DOCK3: variants seen among roughly 807,000 people sequenced by gnomAD.
DOCK3 encodes the protein dedicator of cytokinesis 3.
Under a neutral mutation model 265.6 loss-of-function variants are expected in DOCK3, and 60 were observed. The observed-to-expected ratio is 0.23, with a 90% CI of 0.18 to 0.28. The LOEUF (loss-of-function observed/expected upper bound fraction) is 0.28. Ranked by LOEUF, DOCK3 falls within the 10% of genes least tolerant of loss-of-function variation. The pLI, the probability that DOCK3 is intolerant of heterozygous loss-of-function variation, is 1.00. For missense variants in DOCK3, 1,981 were observed against 2,594.3 expected (o/e 0.76, Z 5.14); for synonymous variants, 881 against 938.0 (o/e 0.94, Z 1.11).
chr3:51,346,937 C>A (rs1028250601), intron 38 of DOCK3, among the ~76,000 whole-genome samples: 35 of 152,306 alleles, frequency 2.3e-4, no homozygotes, highest in Non-Finnish European at 3.1e-4. Flanking sequence ...TAAATGTCTT[C>A]TTTTGAGAAG....
At chr3:51,312,982 G>T in intron 31 of DOCK3, 80 bp downstream of exon 31, 1 of 1,327,474 alleles carries the variant, frequency 7.5e-7, no homozygotes, top group Admixed American at 2.0e-5. Context: ...ACATCTCCCA[G>T]GCTTTATGAA....
intron 15 of DOCK3, among the ~76,000 whole-genome samples, chr3:51,226,771 G>A (rs1035943693): frequency 5.3e-5 from 8 of 152,140 alleles, no homozygotes; most frequent in South Asian, 2.1e-4. Context: ...GCAATATTTG[G>A]GAGATGGGTT....
chr3:50,900,109 C>T (rs529560917), intron 4 of DOCK3, among the ~76,000 whole-genome samples: 4 of 152,300 alleles, frequency 2.6e-5, no homozygotes, highest in South Asian at 4.2e-4. Context: ...CTTTCAGGTA[C>T]ACCAATCAAA....
intron 9 of DOCK3, among the ~76,000 whole-genome samples, chr3:51,143,926 A>G (rs1190380367): frequency 6.6e-6 from 1 of 152,232 alleles, no homozygotes; most frequent in African/African-American, 2.4e-5. Flanking sequence ...TAAATGTGGA[A>G]ACAAATGTGA....
intron 4 of DOCK3, among the ~76,000 whole-genome samples, chr3:50,908,396 C>T (rs549909997): frequency 1.3e-5 from 2 of 152,080 alleles, no homozygotes; most frequent in South Asian, 4.1e-4. Flanking sequence ...CCTGCTTTAG[C>T]AGCATCCCAG....
At chr3:50,684,898 C>T (rs949461633) in intron 1 of DOCK3, among the ~76,000 whole-genome samples, 2 of 151,812 alleles carry the variant, frequency 1.3e-5, no homozygotes, top group African/African-American at 4.8e-5. Flanking sequence ...CTTCTGATTA[C>T]ATAACGTATA....
At chr3:50,902,781 C>G (rs972714236) in intron 4 of DOCK3, among the ~76,000 whole-genome samples, 1 of 152,144 alleles carries the variant, frequency 6.6e-6, no homozygotes, top group Non-Finnish European at 1.5e-5. Context: ...TGGCCATTTT[C>G]ACAATATTGA....
At chr3:50,921,629 T>C (rs956002517) in intron 4 of DOCK3, among the ~76,000 whole-genome samples, 1 of 152,080 alleles carries the variant, frequency 6.6e-6, no homozygotes, top group Non-Finnish European at 1.5e-5. Context: ...GGAGAAGAGG[T>C]GCTCTGATTT....
chr3:51,009,584 A>C (rs2078856854), intron 5 of DOCK3, among the ~76,000 whole-genome samples: 1 of 152,008 alleles, frequency 6.6e-6, no homozygotes. Flanking sequence ...GGATTCATTG[A>C]ATTTTTGAAG....
intron 5 of DOCK3, among the ~76,000 whole-genome samples, chr3:50,999,442 C>T (rs987360700): frequency 2.0e-5 from 3 of 152,110 alleles, no homozygotes; most frequent in Admixed American, 2.0e-4. Context: ...GGGATTTCTC[C>T]AAATAGAAAC....
intron 4 of DOCK3, among the ~76,000 whole-genome samples, chr3:50,902,056 G>T (rs902291779): frequency 6.6e-6 from 1 of 151,996 alleles, no homozygotes; most frequent in African/African-American, 2.4e-5. Flanking sequence ...TCATTTGCCC[G>T]CTTTTTAGTG....
rs2078855511 is a variant in DOCK3 at position 51,246,645 on chromosome 3, G to C, written c.2103-81G>C. On this transcript the variant is annotated intron_variant, in intron 21 of 52. Transcript: ENST00000266037. The stretch of plus-strand genomic sequence containing the variant: ...ATCAGCAGAATATTATTTCCTATTT[G>C]CCTAATTCAGGGCTACAGATGTTTC... 4 of 1,263,040 alleles carry C rather than the reference G, an allele frequency of 3.2e-6. No individual in the cohort carries two copies. In the South Asian group the frequency reaches 5.1e-5, roughly 16 times the overall value. 78.2% of individuals were successfully genotyped at this position (1,263,040 alleles called of 1,614,324 possible).
chr3:51,051,119 AGGTT>A (rs1213002904), intron 5 of DOCK3, among the ~76,000 whole-genome samples: 5 of 152,194 alleles, frequency 3.3e-5, no homozygotes, highest in African/African-American at 1.2e-4. Flanking sequence ...TCAAATGTAA[AGGTT>A]GGCTTAGTCA....
At chr3:50,719,952 C>T (rs984837581) in intron 1 of DOCK3, 25 of 475,280 alleles carry the variant, frequency 5.3e-5, no homozygotes, top group African/African-American at 4.1e-4. Flanking sequence ...ACAGTGATGT[C>T]GGGGTTCTGG....
intron 3 of DOCK3, among the ~76,000 whole-genome samples, chr3:50,881,926 C>G (rs1049398395): frequency 6.6e-6 from 1 of 152,080 alleles, no homozygotes; most frequent in East Asian, 1.9e-4. Flanking sequence ...AGATATAGAC[C>G]AATGGAATAG....
intron 9 of DOCK3, among the ~76,000 whole-genome samples, chr3:51,138,659 G>C (rs137936231): frequency 6.6e-6 from 1 of 152,128 alleles, no homozygotes; most frequent in East Asian, 1.9e-4. Flanking sequence ...CCCTGCTATG[G>C]GCAGCTCCAA....
At chr3:50,759,538 A>G (rs1048899344) in intron 1 of DOCK3, among the ~76,000 whole-genome samples, 3 of 151,966 alleles carry the variant, frequency 2.0e-5, no homozygotes, top group Non-Finnish European at 4.4e-5. Context: ...TCTTTTGCCT[A>G]TTTTAAGAAT....
chr3:51,349,068 CT>C, intron 39 of DOCK3, 130 bp downstream of exon 39: 1 of 835,060 alleles, frequency 1.2e-6, no homozygotes, highest in South Asian at 1.6e-5. Flanking sequence ...GACTCCTGCC[CT>C]CAGGACACTT....
chr3:50,796,595 C>T (rs540852472), intron 2 of DOCK3, among the ~76,000 whole-genome samples: 24 of 152,282 alleles, frequency 1.6e-4, no homozygotes, highest in African/African-American at 5.5e-4. Flanking sequence ...ACCTTGGCCT[C>T]CCAAAGTGTT....
Sources: allele counts gnomAD v4.1 joint callset (sites outside exome capture counted in the v4.1 genomes callset), GRCh38; gene constraint gnomAD v4.1.1; transcripts MANE v1.5; gene names NCBI Gene and HGNC (gene_info 2026-07-23, HGNC 2026-07-21).